The following TENM3 variants were observed in gnomAD, a reference collection of about 807,000 sequenced individuals.
TENM3 encodes the protein teneurin-3.
A neutral mutation model predicts 255.1 loss-of-function variants in TENM3; 63 were observed. The ratio of observed to expected loss-of-function variants is 0.25; its 90% CI spans 0.20 to 0.30. TENM3 has a LOEUF of 0.30. Among genes scored for constraint, TENM3 ranks in the 10% least tolerant of loss-of-function variants. The pLI, the probability that TENM3 is intolerant of heterozygous loss-of-function variation, is 1.00. For synonymous variants in TENM3, 1,306 were observed against 1,322.3 expected, an observed-to-expected ratio of 0.99 and a Z score of 0.27; for missense variants, 2,929 against 3,461.1, an observed-to-expected ratio of 0.85 and a Z score of 3.86.
At chr4:181,978,036 T>C in the TENM3 span, among the ~76,000 whole-genome samples, 1 of 152,114 alleles carries the variant, frequency 6.6e-6, no homozygotes. Flanking sequence ...GCAAAGAGAA[T>C]AAAATAGTTT....
At chr4:181,507,638 T>C in the TENM3 span, among the ~76,000 whole-genome samples, 1 of 152,360 alleles carries the variant, frequency 6.6e-6, no homozygotes, top group South Asian at 2.1e-4. Context: ...CATTTTTTAT[T>C]GTTCTCACAT....
chr4:181,478,705 T>C, the TENM3 span, among the ~76,000 whole-genome samples: 3 of 152,214 alleles, frequency 2.0e-5, no homozygotes, highest in African/African-American at 7.2e-5. Context: ...AATTTAGATA[T>C]CTGAAAACTC....
intron 12 of TENM3, among the ~76,000 whole-genome samples, chr4:182,713,384 A>T (rs944757613): frequency 1.3e-5 from 2 of 152,214 alleles, no homozygotes; most frequent in African/African-American, 4.8e-5. Flanking sequence ...TCCCATCCGT[A>T]TGCAGCCTGA....
At chr4:182,763,739 C>T (rs894348631) in intron 22 of TENM3, among the ~76,000 whole-genome samples, 1 of 152,158 alleles carries the variant, frequency 6.6e-6, no homozygotes, top group African/African-American at 2.4e-5. Flanking sequence ...TGTCTAAATG[C>T]ATCAGACTAT....
intron 3 of TENM3, among the ~76,000 whole-genome samples, chr4:182,457,918 T>G (rs1473895501): frequency 2.0e-5 from 3 of 152,188 alleles, no homozygotes; most frequent in Non-Finnish European, 2.9e-5. Context: ...AGGTTTTGTT[T>G]TGATTTTAGT....
chr4:181,578,981 T>C, the TENM3 span, among the ~76,000 whole-genome samples: 9 of 152,254 alleles, frequency 5.9e-5, no homozygotes, highest in South Asian at 1.9e-3. Context: ...GAAAAGCCTC[T>C]GCACATAGCC....
At chr4:182,377,851 A>G (rs913712332) in intron 3 of TENM3, among the ~76,000 whole-genome samples, 4 of 152,186 alleles carry the variant, frequency 2.6e-5, no homozygotes, top group African/African-American at 9.7e-5. Context: ...GTATATCACA[A>G]CAGCAAAGTT....
At chr4:181,797,459 G>C in the TENM3 span, among the ~76,000 whole-genome samples, 1 of 152,044 alleles carries the variant, frequency 6.6e-6, no homozygotes, top group South Asian at 2.1e-4. Flanking sequence ...TTTTGATTTA[G>C]TATGGTAGGC....
At chr4:181,994,214 A>T in the TENM3 span, among the ~76,000 whole-genome samples, 13 of 152,172 alleles carry the variant, frequency 8.5e-5, no homozygotes, top group Admixed American at 1.3e-4. Flanking sequence ...TAAAACAATT[A>T]TCAGGTTGGT....
the TENM3 span, among the ~76,000 whole-genome samples, chr4:181,844,814 T>G: frequency 2.8e-4 from 42 of 152,204 alleles, no homozygotes; most frequent in African/African-American, 1.0e-3. Context: ...AGGAACCACT[T>G]CCCAGATCAA....
chr4:182,478,441 A>G (rs1445033152), intron 3 of TENM3, among the ~76,000 whole-genome samples: 1 of 151,738 alleles, frequency 6.6e-6, no homozygotes, highest in Non-Finnish European at 1.5e-5. Flanking sequence ...TTTGAGTTTC[A>G]TATGTAGAGT....
At chr4:181,888,494 G>GTACATATATATATATATA in the TENM3 span, among the ~76,000 whole-genome samples, 4 of 28,228 alleles carry the variant, frequency 1.4e-4, no homozygotes, top group Non-Finnish European at 1.8e-4. Flanking sequence ...ATAGAAATGT[G>GTACATATATATATATATA]TATATATATA....
chr4:182,515,538 A>G (rs943686071), intron 3 of TENM3, among the ~76,000 whole-genome samples: 25 of 152,186 alleles, frequency 1.6e-4, no homozygotes, highest in African/African-American at 5.5e-4. Context: ...TTGTATATAT[A>G]TATGAATACA....
chr4:182,270,887 C>T (rs373078117), intron 1 of TENM3, among the ~76,000 whole-genome samples: 1 of 152,030 alleles, frequency 6.6e-6, no homozygotes, highest in Non-Finnish European at 1.5e-5. Flanking sequence ...TATGAAATCC[C>T]CCTGAAAATC....
At chr4:181,670,111 T>A in the TENM3 span, among the ~76,000 whole-genome samples, 1 of 152,204 alleles carries the variant, frequency 6.6e-6, no homozygotes, top group Non-Finnish European at 1.5e-5. Context: ...TAATTTGACT[T>A]CTAGAAATTG....
chr4:181,805,065 A>G, the TENM3 span, among the ~76,000 whole-genome samples: 1 of 152,084 alleles, frequency 6.6e-6, no homozygotes, highest in African/African-American at 2.4e-5. Context: ...CTAAAGCTGC[A>G]CCTGCAGCAG....
chr4:182,073,264 C>T, the TENM3 span, among the ~76,000 whole-genome samples: 1 of 152,196 alleles, frequency 6.6e-6, no homozygotes, highest in East Asian at 1.9e-4. Context: ...CACTCACTAT[C>T]ATGAGAACAG....
At chr4:182,480,147 C>T (rs886566482) in intron 3 of TENM3, among the ~76,000 whole-genome samples, 6 of 151,848 alleles carry the variant, frequency 4.0e-5, no homozygotes, top group Non-Finnish European at 5.9e-5. Context: ...AAGTGGTTTT[C>T]CAGATATCAC....
At chr4:182,561,969 C>CAGATAGATAGACAGACAGAT (rs1560926410) in intron 3 of TENM3, among the ~76,000 whole-genome samples, 1 of 141,616 alleles carries the variant, frequency 7.1e-6, no homozygotes, top group Non-Finnish European at 1.5e-5. Flanking sequence ...TGTGTATATC[C>CAGATAGATAGACAGACAGAT]AGATAGATAG....
Sources: allele counts gnomAD v4.1 joint callset (sites outside exome capture counted in the v4.1 genomes callset), GRCh38; gene constraint gnomAD v4.1.1; transcripts MANE v1.5; gene names NCBI Gene and HGNC (gene_info 2026-07-23, HGNC 2026-07-21).